INTS6: variants seen among roughly 807,000 people sequenced by gnomAD.
INTS6 encodes DEAD box protein.
Under a neutral mutation model 104.9 loss-of-function variants are expected in INTS6, and 16 were observed. That is an observed-to-expected ratio of 0.15 (90% CI 0.10 to 0.23). The LOEUF is 0.23. INTS6 is among the 10% of genes least tolerant of loss of function. The pLI, the probability that INTS6 is intolerant of heterozygous loss-of-function variation, is 1.00. For missense variants in INTS6, 584 were observed against 1,062.8 expected, an observed-to-expected ratio of 0.55 and a Z score of 6.26; for synonymous variants, 324 against 358.7, an observed-to-expected ratio of 0.90 and a Z score of 1.09.
Position 51,378,321 on chromosome 13 carries a change from C to T in INTS6, c.1520G>A (p.Gly507Glu), listed in dbSNP as rs1168063625. ...YRKDFQQLLQ[G>E]ISEDVPHRLL... is the part of the protein sequence containing the mutation. ...TCTGTGAGGGACATCCTCTGAAATT[C>T]CCTGGAGGAGTTGTTGAAAATCTTT... The change falls in exon 12 of 18, where the codon GGA (glycine) becomes GAA (glutamate). Residue 507 changes from glycine to glutamate, a missense_variant. Around this residue, in one of 5 missense-constraint regions of INTS6, gnomAD observed 74 missense variants for 64.4 expected, o/e 1.15. Coordinates refer to ENST00000311234, the MANE Select transcript of INTS6 (RefSeq NM_012141.3). The T allele has an allele frequency of 1.9e-6, 3 of 1,613,342 alleles. No individual in the cohort carries two copies. Among genetic ancestry groups the T allele is most frequent in the African/African-American group, 2.7e-5 (2 of 74,884 alleles).
At chr13:51,347,760 C>G in the INTS6 span, among the ~76,000 whole-genome samples, 1,618 of 152,282 alleles carry the variant, frequency 0.011, 35 homozygotes, top group African/African-American at 0.036. Context: ...ATGAACCATC[C>G]CTTTGTCCAG....
chr13:51,360,466 A>G (rs1566197326), downstream of INTS6, among the ~76,000 whole-genome samples: 2 of 152,022 alleles, frequency 1.3e-5, no homozygotes, highest in African/African-American at 2.4e-5. Flanking sequence ...CTGGTTCTAA[A>G]TCTTTCATTT....
rs1955641779 is a variant in INTS6, at chr13:51,364,275, T to C, written c.*1477A>G. The stretch of plus-strand genomic sequence containing the variant: ...AGTATTGGGAGAGTTTCAAATCCCC[T>C]AGACTAAATGCATGTTCTCCACTTT... On this transcript the variant is annotated 3_prime_UTR_variant, in exon 18 of 18. Transcript: ENST00000311234. 2 of 1,474,196 alleles carry C rather than the reference T, an allele frequency of 1.4e-6. No homozygotes were observed. The highest frequency in any genetic ancestry group is 1.2e-5 in the South Asian group (1 of 80,044). The allele number at this position is 1,474,196 out of a possible 1,614,324, so 91.3% of individuals were successfully genotyped here.
chr13:51,347,245 C>T, the INTS6 span: 3 of 1,611,174 alleles, frequency 1.9e-6, no homozygotes, highest in African/African-American at 1.3e-5. Flanking sequence ...GTGAGCTCTG[C>T]CCCTGCTGGT....
At chr13:51,450,567 C>T in intron 3 of INTS6, 1 of 985,474 alleles carries the variant, frequency 1.0e-6, no homozygotes, top group Non-Finnish European at 1.2e-6. Flanking sequence ...AAACTTCTTA[C>T]CTTTCAGAAT....
intron 4 of INTS6, chr13:51,423,188 G>GTTTA: frequency 2.3e-6 from 1 of 435,520 alleles, no homozygotes; most frequent in East Asian, 1.0e-4. Context: ...AACTGTTGCT[G>GTTTA]AATTAATTTA....
intron 15 of INTS6, among the ~76,000 whole-genome samples, chr13:51,369,558 A>T (rs1324859040): frequency 6.6e-6 from 1 of 152,198 alleles, no homozygotes; most frequent in Non-Finnish European, 1.5e-5. Context: ...AATTTCAAGT[A>T]GTTTTTAGTT....
At chr13:51,373,515 T>C (rs906388036) in intron 15 of INTS6, among the ~76,000 whole-genome samples, 2 of 152,206 alleles carry the variant, frequency 1.3e-5, no homozygotes, top group Non-Finnish European at 2.9e-5. Flanking sequence ...CCTTCCATAA[T>C]CTGGCTTCTA....
the INTS6 span, among the ~76,000 whole-genome samples, chr13:51,345,675 A>C: frequency 6.6e-6 from 1 of 152,092 alleles, no homozygotes; most frequent in Non-Finnish European, 1.5e-5. Flanking sequence ...GTGTGTGGAC[A>C]AGGATGGCAG....
chr13:51,444,816 T>C (rs1370564167), intron 3 of INTS6: 2 of 150,634 alleles, frequency 1.3e-5, no homozygotes, highest in Non-Finnish European at 3.0e-5. Flanking sequence ...TTTTTTTTTT[T>C]CAGATCATGA....
chr13:51,450,301 T>C (rs1953009356), intron 3 of INTS6: 1 of 985,212 alleles, frequency 1.0e-6, no homozygotes, highest in Non-Finnish European at 1.2e-6. Flanking sequence ...CATTATTCCT[T>C]AGTGAATTAT....
At chr13:51,389,975 C>T (rs1956214953) in intron 5 of INTS6, among the ~76,000 whole-genome samples, 1 of 152,018 alleles carries the variant, frequency 6.6e-6, no homozygotes, top group Non-Finnish European at 1.5e-5. Flanking sequence ...TTTTAATATA[C>T]AGATGGTAGC....
Position 51,452,207 on chromosome 13 carries a change from T to G in INTS6, c.112-152A>C. The G allele has an allele frequency of 1.5e-6, 1 of 676,992 alleles. No individual in the cohort carries two copies. The allele number at this position is 676,992 out of a possible 1,614,324, so 41.9% of individuals were successfully genotyped here. On this transcript the variant is annotated intron_variant, in intron 1 of 17. Coordinates refer to ENST00000311234, the MANE Select transcript of INTS6 (RefSeq NM_012141.3). The surrounding 1 kb of genome is among the most constrained non-coding windows in gnomAD (Gnocchi z 4.2). ...ACGCCGTCCCCCACACACAGATCGC[T>G]CCCCACACACCGCCCGGGGCCGGAG...
At chr13:51,374,927 G>A in intron 13 of INTS6, 131 bp from the exon 14 acceptor site, 11 of 896,702 alleles carry the variant, frequency 1.2e-5, no homozygotes, top group South Asian at 6.9e-5. Context: ...AAATTTGTTT[G>A]GTGCAATTAT....
intron 4 of INTS6, among the ~76,000 whole-genome samples, chr13:51,410,080 C>A (rs1435802879): frequency 6.6e-6 from 1 of 152,086 alleles, no homozygotes; most frequent in African/African-American, 2.4e-5. Context: ...CTGAAAAAAT[C>A]AAACACTTAA....
chr13:51,411,252 A>C (rs1956681686), intron 4 of INTS6, among the ~76,000 whole-genome samples: 1 of 133,580 alleles, frequency 7.5e-6, no homozygotes, highest in African/African-American at 2.9e-5. Flanking sequence ...TAAATAAATA[A>C]ATAAGCAAGC....
downstream of INTS6, among the ~76,000 whole-genome samples, chr13:51,360,072 G>A (rs1226126281): frequency 6.6e-6 from 1 of 152,052 alleles, no homozygotes; most frequent in Non-Finnish European, 1.5e-5. Context: ...CATCTTACAA[G>A]ATGGATGGAA....
intron 4 of INTS6, among the ~76,000 whole-genome samples, chr13:51,418,871 TAA>T (rs1956843954): frequency 6.6e-6 from 1 of 152,192 alleles, no homozygotes; most frequent in Non-Finnish European, 1.5e-5. Flanking sequence ...CGAGTTTTAG[TAA>T]ATTTACAGAG....
the INTS6 span, among the ~76,000 whole-genome samples, chr13:51,346,110 G>C: frequency 6.6e-6 from 1 of 152,226 alleles, no homozygotes; most frequent in African/African-American, 2.4e-5. Context: ...GTGAGGATTT[G>C]CTAAAGCACT....
Sources: allele counts gnomAD v4.1 joint callset (sites outside exome capture counted in the v4.1 genomes callset), GRCh38; gene constraint gnomAD v4.1.1; regional missense constraint gnomAD v4.1.1; non-coding constraint Gnocchi (gnomAD v3.1); transcripts MANE v1.5; gene names NCBI Gene and HGNC (gene_info 2026-07-23, HGNC 2026-07-21).